Variants in CADPS2 observed in about 807,000 individuals in gnomAD.
CADPS2 encodes calcium dependent secretion activator 2.
Under a neutral mutation model 172.5 loss-of-function variants are expected in CADPS2, and 93 were observed. The ratio of observed to expected loss-of-function variants is 0.54; its 90% CI spans 0.46 to 0.64. CADPS2 has a LOEUF of 0.64. Among genes scored for constraint, CADPS2 ranks in the 30% least tolerant of loss-of-function variants. CADPS2 has a pLI of 0.00. For missense variants in CADPS2, 1,420 were observed against 1,565.9 expected, an observed-to-expected ratio of 0.91 and a Z score of 1.57; for synonymous variants, 546 against 555.2, an observed-to-expected ratio of 0.98 and a Z score of 0.23.
chr7:122,480,944 T>C, intron 11 of CADPS2, 84 bp from the exon 12 acceptor site: 1 of 1,088,340 alleles, frequency 9.2e-7, no homozygotes, highest in Non-Finnish European at 1.2e-6. Context: ...CATTTAATTT[T>C]TTATTTTCTC....
At chr7:122,360,749 A>G (rs2040018441) in intron 27 of CADPS2, 39 bp downstream of exon 27, 1 of 1,528,748 alleles carries the variant, frequency 6.5e-7, no homozygotes, top group Non-Finnish European at 8.8e-7. Flanking sequence ...TTTTTAAAGA[A>G]TTCCATACAG....
At chr7:122,592,070 A>G (rs2070901638) in intron 6 of CADPS2, among the ~76,000 whole-genome samples, 1 of 152,080 alleles carries the variant, frequency 6.6e-6, no homozygotes, top group South Asian at 2.1e-4. Flanking sequence ...ATGGGAGAAA[A>G]TTTTTGCAAT....
intron 2 of CADPS2, among the ~76,000 whole-genome samples, chr7:122,666,009 A>G (rs1450892218): frequency 6.6e-6 from 1 of 150,942 alleles, no homozygotes; most frequent in Non-Finnish European, 1.5e-5. Context: ...TTCAGAACTC[A>G]GATGTGTCTC....
At chr7:122,330,923 G>A (rs569180081) in intron 28 of CADPS2, 1 of 152,250 alleles carries the variant, frequency 6.6e-6, no homozygotes, top group East Asian at 1.9e-4. Flanking sequence ...GTAATATGTG[G>A]GGTAGATTAT....
intron 8 of CADPS2, among the ~76,000 whole-genome samples, chr7:122,547,074 GTTT>G (rs5887102): frequency 6.8e-6 from 1 of 146,820 alleles, no homozygotes; most frequent in South Asian, 2.2e-4. Flanking sequence ...AATCTAGGGT[GTTT>G]TTTTTTTGCC....
chr7:122,688,731 T>C (rs564724756), intron 2 of CADPS2, among the ~76,000 whole-genome samples: 3 of 151,304 alleles, frequency 2.0e-5, no homozygotes, highest in Non-Finnish European at 2.9e-5. Flanking sequence ...AGCCAAATGA[T>C]GAGCCTTCCC....
Position 122,351,327 on chromosome 7 carries a change from T to G in CADPS2, c.3505-5646A>C, listed in dbSNP as rs945762409. Among the ~76,000 whole-genome samples the G allele has an allele frequency of 2.5e-5, 3 of 119,994 alleles. No homozygotes were observed. In the Admixed American group the frequency reaches 3.5e-4, roughly 14 times the overall value. 78.7% of individuals were successfully genotyped at this position (119,994 alleles called of 152,430 possible). On this transcript the variant is annotated intron_variant, in intron 27 of 29. Coordinates refer to ENST00000449022, the MANE Select transcript of CADPS2 (RefSeq NM_017954.11). ...GGCAGAGCTTGCAGTGAGCCAAGAT[T>G]GCGCCACTGCACTCCAGCCTGGGTG... is the stretch of plus-strand genomic sequence containing the variant.
chr7:122,803,252 A>G (rs1798025610), intron 1 of CADPS2, among the ~76,000 whole-genome samples: 1 of 152,192 alleles, frequency 6.6e-6, no homozygotes. Context: ...CTGCTGCTTT[A>G]AAAAATGCAA....
intron 22 of CADPS2, among the ~76,000 whole-genome samples, chr7:122,392,389 G>GTTTT (rs759134436): frequency 1.4e-5 from 2 of 146,714 alleles, no homozygotes; most frequent in African/African-American, 5.0e-5. Context: ...CCTCAATACA[G>GTTTT]TTTTTTTTTT....
intron 2 of CADPS2, chr7:122,697,653 G>T: frequency 2.8e-6 from 2 of 716,078 alleles, no homozygotes; most frequent in Non-Finnish European, 4.4e-6. Flanking sequence ...CTTTGAGGTT[G>T]GACAAAGAAT....
chr7:122,731,242 ATTTT>A (rs1008442768), intron 2 of CADPS2, among the ~76,000 whole-genome samples: 1 of 149,730 alleles, frequency 6.7e-6, no homozygotes. Context: ...CAAGTCACAA[ATTTT>A]TTTTTTTTTT....
At chr7:122,367,824 A>G (rs1305797159) in intron 25 of CADPS2, among the ~76,000 whole-genome samples, 1 of 149,392 alleles carries the variant, frequency 6.7e-6, no homozygotes, top group Non-Finnish European at 1.5e-5. Flanking sequence ...TTCAAGTGTC[A>G]ATAGGGTTGA....
intron 5 of CADPS2, among the ~76,000 whole-genome samples, chr7:122,615,805 T>C (rs958272381): frequency 6.6e-6 from 1 of 152,130 alleles, no homozygotes; most frequent in African/African-American, 2.4e-5. Flanking sequence ...TTACTATTAT[T>C]GTCTGTAAAA....
intron 20 of CADPS2, among the ~76,000 whole-genome samples, chr7:122,405,105 CAAACA>C (rs2046479184): frequency 3.3e-5 from 5 of 151,628 alleles, no homozygotes; most frequent in Admixed American, 3.3e-4. Flanking sequence ...ACAAAACAAA[CAAACA>C]AAAGTCTCAA....
rs906738885 is a variant in CADPS2, at chr7:122,319,862, TA to T, written c.*302del. On this transcript the variant is annotated 3_prime_UTR_variant, in exon 30 of 30. Coordinates refer to ENST00000449022, the MANE Select transcript of CADPS2 (RefSeq NM_017954.11). ...TACAGAAAAATGCTCAAATCTTCTTTAAAAAAAAAAGTTCATGTTCTGATCA... is the reference window on the plus strand; with the variant it reads ...TACAGAAAAATGCTCAAATCTTCTTTAAAAAAAAAGTTCATGTTCTGATCA... 2.4e-3 allele frequency: 577 copies of T among 238,748 alleles called. No homozygotes were observed. The highest frequency in any genetic ancestry group is 3.5e-3 in the East Asian group (43 of 12,160). 14.8% of individuals were successfully genotyped at this position (238,748 alleles called of 1,614,324 possible).
intron 1 of CADPS2, among the ~76,000 whole-genome samples, chr7:122,747,829 A>C (rs942106778): frequency 7.8e-5 from 9 of 115,378 alleles, no homozygotes; most frequent in Non-Finnish European, 1.5e-4. Flanking sequence ...TGTTTATGTC[A>C]TTGTGCCTTT....
rs2652714 is a variant in CADPS2 at position 122,817,024 on chromosome 7, C to T, written c.339+68975G>A. 2.6e-5 allele frequency among the ~76,000 whole-genome samples: 4 copies of T among 151,262 alleles called. No individual in the cohort carries two copies. The East Asian group carries it at 5.8e-4, about 22-fold the overall frequency. ...GAACCCCCCTTTGACTGTAATTTTC[C>T]TTTACCTACTCAAATCCTATAAAAC... On this transcript the variant is annotated intron_variant, in intron 1 of 29. Transcript: ENST00000449022.
chr7:122,358,759 A>G (rs1184103673), intron 27 of CADPS2, among the ~76,000 whole-genome samples: 1 of 152,116 alleles, frequency 6.6e-6, no homozygotes. Flanking sequence ...GTTAATATTC[A>G]CAGGCATCAA....
chr7:122,787,452 T>A (rs1365361493), intron 1 of CADPS2, among the ~76,000 whole-genome samples: 1 of 152,190 alleles, frequency 6.6e-6, no homozygotes. Flanking sequence ...CATATTTCAC[T>A]GCAAAGCCCA....
Sources: gnomAD v4.1 joint callset for allele counts (sites outside exome capture counted in the v4.1 genomes callset) on GRCh38, gnomAD v4.1.1 for gene constraint, MANE v1.5 for transcripts, NCBI Gene and HGNC (gene_info 2026-07-23, HGNC 2026-07-21) for gene names.